The following DENND4A variants were observed in gnomAD, a reference collection of about 807,000 sequenced individuals.
The protein encoded by DENND4A is DENN domain containing 4A.
A neutral mutation model predicts 199.3 loss-of-function variants in DENND4A; 70 were observed. The ratio of observed to expected loss-of-function variants is 0.35; its 90% confidence interval spans 0.29 to 0.43. The LOEUF (loss-of-function observed/expected upper bound fraction) is 0.43. Ranked by LOEUF, DENND4A falls within the 20% of genes least tolerant of loss-of-function variation. The pLI is 1.00. For synonymous variants in DENND4A, 686 were observed against 766.9 expected, an observed-to-expected ratio of 0.89 and a Z score of 1.74; for missense variants, 1,723 against 2,255.8, an observed-to-expected ratio of 0.76 and a Z score of 4.78.
intron 1 of DENND4A, among the ~76,000 whole-genome samples, chr15:65,779,401 A>G (rs1171735132): frequency 6.7e-6 from 1 of 149,688 alleles, no homozygotes; most frequent in African/African-American, 2.5e-5. Flanking sequence ...GGTTGCAGTG[A>G]GCCGAGATTG....
chr15:65,758,801 G>T (rs1234628397), intron 2 of DENND4A, among the ~76,000 whole-genome samples: 1 of 152,012 alleles, frequency 6.6e-6, no homozygotes, highest in Non-Finnish European at 1.5e-5. Flanking sequence ...GGTCTCTTTG[G>T]ATACTTACTA....
At chr15:65,775,362 A>AGGCC (rs57155361) in intron 1 of DENND4A, among the ~76,000 whole-genome samples, 29,754 of 150,716 alleles carry the variant, frequency 0.2, 3,933 homozygotes, top group East Asian at 0.73. Context: ...AAAAGAAAAG[A>AGGCC]AGTCACGGTG....
At chr15:65,752,125 G>A (rs1810998913) in intron 4 of DENND4A, among the ~76,000 whole-genome samples, 1 of 141,258 alleles carries the variant, frequency 7.1e-6, no homozygotes, top group Non-Finnish European at 1.5e-5. Context: ...TTTTGTAGTG[G>A]GCGGGGGGGG....
intron 23 of DENND4A, among the ~76,000 whole-genome samples, chr15:65,688,029 T>C (rs1596441887): frequency 6.6e-6 from 1 of 152,298 alleles, no homozygotes; most frequent in East Asian, 1.9e-4. Context: ...CAGTTATCCA[T>C]ATTTCATTTG....
At chr15:65,705,930 T>C in intron 15 of DENND4A, 161 bp downstream of exon 15, 1 of 912,542 alleles carries the variant, frequency 1.1e-6, no homozygotes, top group South Asian at 5.1e-5. Flanking sequence ...TTTTTATACC[T>C]CAAAGCTTAA....
intron 14 of DENND4A, among the ~76,000 whole-genome samples, chr15:65,712,137 G>GAT (rs1261249156): frequency 5.3e-5 from 8 of 152,306 alleles, no homozygotes; most frequent in African/African-American, 1.9e-4. Context: ...AACTAGGGAT[G>GAT]ATATTTCTGG....
At position 65,732,912 on chromosome 15, in the gene DENND4A, CCT is replaced by C. The variant is rs2076004114; in HGVS notation, c.1041-96_1041-95del. 5 of 681,348 alleles carry C rather than the reference CCT, an allele frequency of 7.3e-6. No homozygotes were observed. In the Admixed American group the frequency reaches 8.1e-5, roughly 11 times the overall value. 42.2% of individuals were successfully genotyped at this position (681,348 alleles called of 1,614,324 possible). ...TCACAAGTCCAAGTTGAGTCAAAGC[CCT>C]GTGTCCCTATTATTTTGAAATCCCT... On this transcript the variant is annotated intron_variant, in intron 7 of 32. Coordinates refer to ENST00000443035, the MANE Select transcript of DENND4A (RefSeq NM_001320835.1).
chr15:65,690,746 T>G lies in DENND4A; in HGVS notation c.3848A>C (p.Lys1283Thr). ...QRACDDKLNK[K>T]SPPLVKACRR... The stretch of plus-strand genomic sequence containing the variant: ...GCATGCCTTGACCAATGGTGGACTT[T>G]TCTTATTTAATTTATCATCACATGC... The change falls in exon 23 of 33, where the codon AAA (lysine) becomes ACA (threonine). Residue 1283 changes from lysine (K) to threonine (T), a missense_variant. Physicochemically the swap from Lys to Thr is moderately conservative, Grantham distance 78. Transcript: ENST00000443035. 6.2e-7 allele frequency: 1 copy of G among 1,613,596 alleles called. No individual in the cohort carries two copies. The highest frequency in any genetic ancestry group is 8.5e-7 in the Non-Finnish European group (1 of 1,179,772).
chr15:65,754,827 A>G (rs1002633014), intron 3 of DENND4A, among the ~76,000 whole-genome samples: 2 of 152,256 alleles, frequency 1.3e-5, no homozygotes, highest in East Asian at 3.8e-4. Context: ...AATATGGTAC[A>G]GTTTGCTTAG....
intron 2 of DENND4A, among the ~76,000 whole-genome samples, chr15:65,760,867 G>A (rs780735327): frequency 4.6e-5 from 7 of 152,056 alleles, no homozygotes; most frequent in Non-Finnish European, 8.8e-5. Flanking sequence ...TCCAGCCTGG[G>A]CAACAGAGGG....
At chr15:65,704,571 T>C (rs2074983942) in intron 15 of DENND4A, among the ~76,000 whole-genome samples, 1 of 152,052 alleles carries the variant, frequency 6.6e-6, no homozygotes, top group Non-Finnish European at 1.5e-5. Context: ...GATAAGGTCT[T>C]GCTATGTTGC....
In DENND4A at chr15:65,696,397, G is replaced by T. The variant is rs2077146224; in HGVS notation, c.3051C>A (p.Asn1017Lys). ...TTTCTCCTGATATTTTACCAGCACT[G>T]TTGTTACTTGTACCAGTGAGGCGAA... Reference protein sequence around the residue: ...SIVRLTGTSNNSAGKISGESM... With the variant: ...SIVRLTGTSNKSAGKISGESM... The change falls in exon 22 of 33, where the codon AAC (asparagine) becomes AAA (lysine). Residue 1017 changes from asparagine to lysine, a missense_variant. This residue lies in a region of DENND4A where 650 missense variants were observed against 738.1 expected (regional missense o/e 0.88). Coordinates refer to ENST00000443035, the MANE Select transcript of DENND4A (RefSeq NM_001320835.1). 6.2e-7 allele frequency: 1 copy of T among 1,612,482 alleles called. No homozygotes were observed. Among genetic ancestry groups the T allele is most frequent in the Non-Finnish European group, 8.5e-7 (1 of 1,178,922 alleles).
At chr15:65,788,025 C>CA (rs1209688749) in intron 1 of DENND4A, among the ~76,000 whole-genome samples, 3 of 151,818 alleles carry the variant, frequency 2.0e-5, no homozygotes, top group Non-Finnish European at 4.4e-5. Flanking sequence ...TTTAATGACA[C>CA]AAAAATCCAC....
intron 7 of DENND4A, among the ~76,000 whole-genome samples, chr15:65,736,047 C>A (rs2076106308): frequency 6.6e-6 from 1 of 152,154 alleles, no homozygotes; most frequent in African/African-American, 2.4e-5. Flanking sequence ...CCACCATGAG[C>A]TTGAAAGCTT....
intron 1 of DENND4A, among the ~76,000 whole-genome samples, chr15:65,779,391 G>A (rs1485719865): frequency 6.6e-6 from 1 of 151,194 alleles, no homozygotes; most frequent in Non-Finnish European, 1.5e-5. Context: ...GGGAGGCAGA[G>A]GTTGCAGTGA....
At chr15:65,678,355 TTTAA>T (rs768793641) in intron 23 of DENND4A, among the ~76,000 whole-genome samples, 1 of 152,246 alleles carries the variant, frequency 6.6e-6, no homozygotes, top group Non-Finnish European at 1.5e-5. Flanking sequence ...TTTCTTGTAT[TTTAA>T]TTAGACTACC....
At chr15:65,779,895 CTTTA>C (rs995260679) in intron 1 of DENND4A, among the ~76,000 whole-genome samples, 13 of 151,772 alleles carry the variant, frequency 8.6e-5, no homozygotes, top group Admixed American at 3.9e-4. Flanking sequence ...AGTGTCTGGA[CTTTA>C]TTTATTTATT....
intron 16 of DENND4A, 129 bp downstream of exon 16, chr15:65,702,744 C>G (rs16948959): frequency 0.21 from 215,243 of 1,006,546 alleles, 29,891 homozygotes; most frequent in East Asian, 0.7. Flanking sequence ...TCCATCTTCA[C>G]AGTGCTTTGG....
intron 22 of DENND4A, 176 bp downstream of exon 22, chr15:65,696,190 G>A (rs2077138488): frequency 3.0e-6 from 2 of 676,756 alleles, no homozygotes; most frequent in Admixed American, 3.5e-5. Context: ...ATACAAGCTT[G>A]AACACAGCAT....
Sources: allele counts gnomAD v4.1 joint callset (sites outside exome capture counted in the v4.1 genomes callset), GRCh38; gene constraint gnomAD v4.1.1; regional missense constraint gnomAD v4.1.1; transcripts MANE v1.5; gene names NCBI Gene and HGNC (gene_info 2026-07-23, HGNC 2026-07-21).